DISC1: variants seen among roughly 807,000 people sequenced by gnomAD.
The protein encoded by DISC1 is disrupted in schizophrenia 1 protein.
DISC1 carries 57 observed loss-of-function variants against 84.5 expected under a neutral mutation model. The observed-to-expected ratio is 0.67, with a 90% CI of 0.55 to 0.84. DISC1 has a LOEUF of 0.84. Ranked by LOEUF, DISC1 falls within the 40% of genes least tolerant of loss-of-function variation. DISC1 has a pLI of 0.00. For synonymous variants in DISC1, 411 were observed against 415.2 expected (o/e 0.99, Z 0.12); for missense variants, 1,000 against 1,057.8 (o/e 0.95, Z 0.76).
At chr1:231,819,440 G>A (rs77965900) in intron 9 of DISC1, among the ~76,000 whole-genome samples, 4,839 of 152,242 alleles carry the variant, frequency 0.032, 119 homozygotes, top group Admixed American at 0.065. Context: ...CTTTTAAAAT[G>A]TCTATCAATT....
At position 231,957,518 on chromosome 1, in the gene DISC1, C is replaced by G. The variant is rs1017221153; in HGVS notation, c.1982-1310C>G. Among the ~76,000 whole-genome samples the G allele has an allele frequency of 3.3e-5, 5 of 152,180 alleles. No homozygotes were observed. In the East Asian group the frequency reaches 9.6e-4, roughly 29 times the overall value. On this transcript the variant is annotated intron_variant, in intron 9 of 12. Coordinates refer to ENST00000439617, the MANE Select transcript of DISC1 (RefSeq NM_018662.3). ...ACCTCTTCTGTCCACTGAGCTATCT[C>G]ACATGCCTAGAACAGTGTGTGGCAC...
chr1:231,789,568 T>G (rs1178967792), intron 6 of DISC1, among the ~76,000 whole-genome samples: 5 of 152,198 alleles, frequency 3.3e-5, no homozygotes, highest in Admixed American at 3.3e-4. Context: ...GCCCGTGGCT[T>G]GGAGCAGAGT....
intron 1 of DISC1, among the ~76,000 whole-genome samples, chr1:231,640,118 G>T (rs1201844573): frequency 6.6e-6 from 1 of 152,174 alleles, no homozygotes; most frequent in Non-Finnish European, 1.5e-5. Flanking sequence ...GGTTCTCAGA[G>T]AATTTTGGAT....
rs184131390 is a variant in DISC1 at position 231,766,474 on chromosome 1, C to A, written c.1269-666C>A. 2.2e-4 allele frequency among the ~76,000 whole-genome samples: 33 copies of A among 152,150 alleles called. 1 individual carries two copies. Among genetic ancestry groups the A allele is most frequent in the African/African-American group, 7.0e-4 (29 of 41,516 alleles). On this transcript the variant is annotated intron_variant, in intron 4 of 12. Transcript: ENST00000439617. ...GAAGTGTATTTCTCTGTGATTAAAG[C>A]TGATTGTGGGAGAAAATCTTCTGAA... is the stretch of plus-strand genomic sequence containing the variant.
chr1:231,941,476 AT>A (rs36036497), intron 9 of DISC1, among the ~76,000 whole-genome samples: 34,346 of 144,304 alleles, frequency 0.24, 4,200 homozygotes, highest in East Asian at 0.46. Flanking sequence ...TGAAACTTCA[AT>A]TTTTTTTTTT....
rs115126214 is a variant in DISC1, at chr1:231,667,334, C to G, written c.68-26492C>G. Among the ~76,000 whole-genome samples, 377 of 152,310 alleles carry G rather than the reference C, an allele frequency of 2.5e-3. 6 individuals carry two copies. The highest frequency in any genetic ancestry group is 8.7e-3 in the African/African-American group (360 of 41,562). The stretch of plus-strand genomic sequence containing the variant: ...TTGGAGTTTACTTCTTTTTAAATTG[C>G]AGACTCAGGGCTTAAATACTTCCTT... On this transcript the variant is annotated intron_variant, in intron 1 of 12. Transcript: ENST00000439617.
At chr1:232,004,835 C>G (rs989786846) in intron 10 of DISC1, among the ~76,000 whole-genome samples, 7 of 151,308 alleles carry the variant, frequency 4.6e-5, no homozygotes, top group Non-Finnish European at 1.5e-5. Flanking sequence ...TTCCCTCCCT[C>G]CCTCGCTCCA....
intron 4 of DISC1, among the ~76,000 whole-genome samples, chr1:231,758,332 C>T (rs1573564210): frequency 6.6e-6 from 1 of 152,110 alleles, no homozygotes; most frequent in African/African-American, 2.4e-5. Context: ...CAGGGCACCC[C>T]CAATCTTTGT....
intron 9 of DISC1, among the ~76,000 whole-genome samples, chr1:231,930,824 A>G (rs2090611836): frequency 6.6e-6 from 1 of 152,120 alleles, no homozygotes; most frequent in Non-Finnish European, 1.5e-5. Context: ...GATGGCTTGG[A>G]GACTAGATGT....
intron 3 of DISC1, among the ~76,000 whole-genome samples, chr1:231,708,540 C>G (rs1231258245): frequency 1.3e-5 from 2 of 152,232 alleles, no homozygotes; most frequent in African/African-American, 4.8e-5. Flanking sequence ...CTTTGCAGGT[C>G]TGTTCCATGG....
chr1:231,666,574 G>T (rs576912535), intron 1 of DISC1, among the ~76,000 whole-genome samples: 1 of 151,954 alleles, frequency 6.6e-6, no homozygotes, highest in African/African-American at 2.4e-5. Context: ...ACAAATAATG[G>T]TATGATGCAA....
chr1:231,967,321 A>C (rs897060849), intron 10 of DISC1, among the ~76,000 whole-genome samples: 2 of 152,224 alleles, frequency 1.3e-5, no homozygotes, highest in Non-Finnish European at 2.9e-5. Flanking sequence ...AAATTGGAGC[A>C]ATTGTTTCCA....
At chr1:231,831,577 A>G (rs2082228061) in intron 9 of DISC1, among the ~76,000 whole-genome samples, 1 of 152,224 alleles carries the variant, frequency 6.6e-6, no homozygotes, top group Admixed American at 6.5e-5. Flanking sequence ...AGCGTTGCCT[A>G]GAGCAATGGG....
At position 231,969,687 on chromosome 1, in the gene DISC1, T is replaced by C. The variant is rs147594590; in HGVS notation, c.2042+10799T>C. On this transcript the variant is annotated intron_variant, in intron 10 of 12. Transcript: ENST00000439617. ...CATATGTATACCAGTGCCATGTTGG[T>C]GTGCTGCACCCATTAACTCGTCATT... is the stretch of plus-strand genomic sequence containing the variant. Among the ~76,000 whole-genome samples, 645 of 151,848 alleles carry C rather than the reference T, an allele frequency of 4.2e-3. 14 individuals carry two copies. In the South Asian group the frequency reaches 0.069, roughly 16 times the overall value.
intron 9 of DISC1, 151 bp from the exon 10 acceptor site, chr1:231,958,677 C>T: frequency 1.2e-6 from 1 of 809,332 alleles, no homozygotes; most frequent in Non-Finnish European, 2.0e-6. Context: ...CAGGCAGCCA[C>T]TCCAGTGGAT....
chr1:231,715,643 G>A (rs2068596363), intron 3 of DISC1, among the ~76,000 whole-genome samples: 2 of 152,200 alleles, frequency 1.3e-5, no homozygotes, highest in Non-Finnish European at 2.9e-5. Flanking sequence ...TGAATTGACT[G>A]ATTGATGAAT....
In DISC1 at chr1:231,905,862, C is replaced by T. The variant is rs187547829; in HGVS notation, c.1982-52966C>T. Among the ~76,000 whole-genome samples the T allele has an allele frequency of 1.7e-3, 265 of 151,728 alleles. 1 individual carries two copies. Among genetic ancestry groups the T allele is most frequent in the Non-Finnish European group, 2.3e-3 (157 of 67,936 alleles). The stretch of plus-strand genomic sequence containing the variant: ...ATATTGTGGTTATTTAGGAAAATAC[C>T]CTCGTTTTTAGGAAATATCCACTAA... On this transcript the variant is annotated intron_variant, in intron 9 of 12. Transcript: ENST00000439617.
intron 4 of DISC1, among the ~76,000 whole-genome samples, chr1:231,766,088 G>C (rs530014069): frequency 1.3e-5 from 2 of 151,874 alleles, no homozygotes; most frequent in Non-Finnish European, 2.9e-5. Flanking sequence ...TCAGGAATTC[G>C]AGACCAGCCT....
chr1:231,783,991 C>G (rs930910873), intron 6 of DISC1, among the ~76,000 whole-genome samples: 36 of 152,096 alleles, frequency 2.4e-4, no homozygotes, highest in Admixed American at 1.3e-4. Context: ...CGGCCGGGCA[C>G]AGTGGCTCAC....
Sources: gnomAD v4.1 joint callset for allele counts (sites outside exome capture counted in the v4.1 genomes callset) on GRCh38, gnomAD v4.1.1 for gene constraint, MANE v1.5 for transcripts, NCBI Gene and HGNC (gene_info 2026-07-23, HGNC 2026-07-21) for gene names.